The following ZFHX3 variants were observed in gnomAD, a reference collection of about 807,000 sequenced individuals.
ZFHX3 encodes zinc finger homeobox 3.
Under a neutral mutation model 279.1 loss-of-function variants are expected in ZFHX3, and 42 were observed. That is an observed-to-expected ratio of 0.15 (90% CI 0.12 to 0.19). The LOEUF is 0.19. Ranked by LOEUF, ZFHX3 falls within the 10% of genes least tolerant of loss-of-function variation. The probability of loss-of-function intolerance (pLI) is 1.00; values close to 1 mark genes in which losing one functional copy is unlikely to be tolerated. For synonymous variants in ZFHX3, 2,293 were observed against 1,957.8 expected, an observed-to-expected ratio of 1.17 and a Z score of -4.52; for missense variants, 4,981 against 4,754.0, an observed-to-expected ratio of 1.05 and a Z score of -1.40.
At chr16:72,964,452 G>C (rs1356713758) in intron 1 of ZFHX3, among the ~76,000 whole-genome samples, 1 of 152,144 alleles carries the variant, frequency 6.6e-6, no homozygotes, top group Non-Finnish European at 1.5e-5. Flanking sequence ...GAAAACAGGA[G>C]AGACTTATAT....
At chr16:72,962,999 C>T (rs1327477718) in intron 1 of ZFHX3, among the ~76,000 whole-genome samples, 1 of 152,172 alleles carries the variant, frequency 6.6e-6, no homozygotes, top group Non-Finnish European at 1.5e-5. Flanking sequence ...CTCTGTTTAT[C>T]AGCCAGTCAA....
chr16:73,798,964 C>T (rs1960073265), intron 1 of ZFHX3, among the ~76,000 whole-genome samples: 1 of 152,190 alleles, frequency 6.6e-6, no homozygotes, highest in South Asian at 2.1e-4. Flanking sequence ...AAACAGACTC[C>T]TAGAATACAG....
At chr16:73,283,903 C>T (rs889823973) in intron 4 of ZFHX3, among the ~76,000 whole-genome samples, 12 of 152,188 alleles carry the variant, frequency 7.9e-5, no homozygotes, top group African/African-American at 1.4e-4. Context: ...GAGATATGAT[C>T]GTACCACTGC....
chr16:73,709,273 G>A (rs944994658), intron 1 of ZFHX3, among the ~76,000 whole-genome samples: 1 of 152,040 alleles, frequency 6.6e-6, no homozygotes, highest in African/African-American at 2.4e-5. Flanking sequence ...GCTGAGGTGG[G>A]AGGATCACTT....
intron 3 of ZFHX3, among the ~76,000 whole-genome samples, chr16:73,422,446 C>T (rs1359725428): frequency 6.6e-6 from 1 of 152,192 alleles, no homozygotes; most frequent in African/African-American, 2.4e-5. Flanking sequence ...ATCCATTTCA[C>T]AGCCCAAGCA....
At chr16:73,507,062 T>C (rs541921199) in intron 2 of ZFHX3, among the ~76,000 whole-genome samples, 177 of 152,326 alleles carry the variant, frequency 1.2e-3, no homozygotes, top group African/African-American at 4.1e-3. Context: ...TCTCCTGTTT[T>C]CTACTGACAC....
At chr16:72,829,913 C>T in intron 4 of ZFHX3, 54 bp from the exon 5 acceptor site, 1 of 1,600,298 alleles carries the variant, frequency 6.2e-7, no homozygotes, top group Admixed American at 1.7e-5. Flanking sequence ...AGATGAAGGA[C>T]TTTTGGCCTC....
intron 4 of ZFHX3, among the ~76,000 whole-genome samples, chr16:73,284,316 CAAAAA>C (rs71156152): frequency 4.3e-4 from 36 of 83,276 alleles, no homozygotes; most frequent in African/African-American, 1.4e-3. Flanking sequence ...GACTCTGTCT[CAAAAA>C]AAAAAAAAAA....
At chr16:72,923,451 A>G (rs571610638) in intron 3 of ZFHX3, among the ~76,000 whole-genome samples, 86 of 97,436 alleles carry the variant, frequency 8.8e-4, no homozygotes, top group South Asian at 5.2e-3. Flanking sequence ...CTCAGACCAG[A>G]AAAAAAAAAA....
chr16:73,248,792 C>T lies in ZFHX3; in HGVS notation c.-1104+8255G>A, dbSNP rs534284663. On this transcript the variant is annotated intron_variant, in intron 5 of 17. Coordinates refer to the ZFHX3 transcript ENST00000641206. ...TGAGTAACGTCAAAGAAGTTGCATT[C>T]GATCCTTATATTGAAGTTTTTTTTT... is the stretch of plus-strand genomic sequence containing the variant. Among the ~76,000 whole-genome samples the T allele has an allele frequency of 1.2e-4, 18 of 152,056 alleles. No homozygotes were observed. In the Middle Eastern group the frequency reaches 0.01, roughly 86 times the overall value.
At chr16:73,831,623 A>G (rs1961000040) in intron 1 of ZFHX3, among the ~76,000 whole-genome samples, 1 of 152,168 alleles carries the variant, frequency 6.6e-6, no homozygotes, top group African/African-American at 2.4e-5. Context: ...CAGACAGTTA[A>G]TCTCATATCT....
chr16:72,860,966 T>A (rs1451514962), intron 4 of ZFHX3, among the ~76,000 whole-genome samples: 2 of 152,282 alleles, frequency 1.3e-5, no homozygotes, highest in East Asian at 3.9e-4. Context: ...CTCCCAGGGT[T>A]TTCCCAAGTT....
intron 3 of ZFHX3, among the ~76,000 whole-genome samples, chr16:73,419,935 CT>C (rs1399686601): frequency 6.6e-6 from 1 of 150,532 alleles, no homozygotes; most frequent in Non-Finnish European, 1.5e-5. Context: ...GAGACAGGGT[CT>C]CACTCTGTCA....
At chr16:73,121,280 A>G (rs1184843651) in intron 7 of ZFHX3, among the ~76,000 whole-genome samples, 2 of 152,220 alleles carry the variant, frequency 1.3e-5, no homozygotes, top group South Asian at 2.1e-4. Flanking sequence ...TTAACACAAT[A>G]AAAAGAATGT....
At chr16:73,008,917 T>A (rs951760991) in intron 1 of ZFHX3, among the ~76,000 whole-genome samples, 1 of 149,646 alleles carries the variant, frequency 6.7e-6, no homozygotes, top group African/African-American at 2.5e-5. Flanking sequence ...TATACGTGTG[T>A]GTGTGTGTGT....
intron 1 of ZFHX3, among the ~76,000 whole-genome samples, chr16:73,858,913 C>A (rs1026280402): frequency 2.0e-5 from 3 of 152,164 alleles, no homozygotes; most frequent in Non-Finnish European, 2.9e-5. Context: ...GAACTAACCA[C>A]GCACCATCTT....
intron 1 of ZFHX3, among the ~76,000 whole-genome samples, chr16:72,993,084 C>T (rs764406466): frequency 2.1e-4 from 32 of 152,196 alleles, no homozygotes; most frequent in Non-Finnish European, 1.0e-4. Context: ...TGTGGTGAGC[C>T]GAGATCGCAC....
intron 3 of ZFHX3, among the ~76,000 whole-genome samples, chr16:73,321,311 C>T (rs898376193): frequency 1.3e-5 from 2 of 152,128 alleles, no homozygotes; most frequent in Non-Finnish European, 2.9e-5. Flanking sequence ...CATTAGAGAC[C>T]TGCTGTCACT....
chr16:72,940,211 G>GT (rs924390238), intron 3 of ZFHX3, among the ~76,000 whole-genome samples: 10 of 152,080 alleles, frequency 6.6e-5, no homozygotes, highest in Admixed American at 5.9e-4. Context: ...CCCCAAACAA[G>GT]TTTTTTAGTA....
Sources: allele counts gnomAD v4.1 joint callset (sites outside exome capture counted in the v4.1 genomes callset), GRCh38; gene constraint gnomAD v4.1.1; transcripts MANE v1.5; gene names NCBI Gene and HGNC (gene_info 2026-07-23, HGNC 2026-07-21).